Variants in ARHGEF10L observed in about 807,000 individuals in gnomAD.
The protein encoded by ARHGEF10L is Rho guanine nucleotide exchange factor 10 like, also known as rho guanine nucleotide exchange factor 10-like protein.
In ARHGEF10L, 69 loss-of-function variants were observed where a neutral mutation model predicts 141.2. That is an observed-to-expected ratio of 0.49 (90% CI 0.40 to 0.60). The LOEUF is 0.60. Ranked by LOEUF, ARHGEF10L falls within the 20% of genes least tolerant of loss-of-function variation. The probability of loss-of-function intolerance (pLI) is 0.00; values close to 1 mark genes in which losing one functional copy is unlikely to be tolerated. For synonymous variants in ARHGEF10L, 711 were observed against 718.5 expected, an observed-to-expected ratio of 0.99 and a Z score of 0.17; for missense variants, 1,482 against 1,734.3, an observed-to-expected ratio of 0.85 and a Z score of 2.58.
rs764594372 is a variant in ARHGEF10L, at chr1:17,632,464, C to G, written c.1728C>G (p.Phe576Leu). The G allele has an allele frequency of 1.4e-5, 23 of 1,614,140 alleles. No homozygotes were observed. The highest frequency in any genetic ancestry group is 1.9e-5 in the Non-Finnish European group (22 of 1,180,000). Residue 576 changes from phenylalanine (F) to leucine (L), a missense_variant and splice_region_variant, in exon 16 of 29, where the codon TTC becomes TTG. Phe to Leu is a conservative substitution (Grantham distance 22, BLOSUM62 0). Transcript: ENST00000361221. ...TGCTTGTCTGTGCCAACATCAACTTCAAGTAAGTGGGCCTGGGTTGGAGGG... is the reference window on the plus strand; with the variant it reads ...TGCTTGTCTGTGCCAACATCAACTTGAAGTAAGTGGGCCTGGGTTGGAGGG... ...NDMLVCANIN[F>L]KPANHRGQLE...
upstream of ARHGEF10L, among the ~76,000 whole-genome samples, chr1:17,537,854 C>CAAAAATAAA (rs2076598138): frequency 1.3e-5 from 1 of 79,844 alleles, no homozygotes; most frequent in Non-Finnish European, 2.4e-5. Context: ...ACCATCTCTA[C>CAAAAATAAA]AAAAAAAAAA....
Position 17,603,475 on chromosome 1 carries a change from C to G in ARHGEF10L, c.350-33C>G, listed in dbSNP as rs759510457. On this transcript the variant is annotated intron_variant, in intron 5 of 28. Transcript: ENST00000361221. The surrounding 1 kb of genome is among the most constrained non-coding windows in gnomAD (Gnocchi z 4.8). ...CCTCTGGCCAGGCTGCCACAGCCCA[C>G]GGTGGTGCTCTCTCTCCCCACTTCC... The G allele has an allele frequency of 4.4e-6, 7 of 1,587,012 alleles. No homozygotes were observed. In the Admixed American group the frequency reaches 1.2e-4, roughly 27 times the overall value.
At chr1:17,628,446 C>T (rs1282971913) in intron 15 of ARHGEF10L, among the ~76,000 whole-genome samples, 1 of 152,194 alleles carries the variant, frequency 6.6e-6, no homozygotes, top group Non-Finnish European at 1.5e-5. Context: ...AGTCCCTCTT[C>T]TTCCCTCTCA....
At chr1:17,533,492 A>G in the ARHGEF10L span, among the ~76,000 whole-genome samples, 1 of 152,142 alleles carries the variant, frequency 6.6e-6, no homozygotes, top group African/African-American at 2.4e-5. Flanking sequence ...TTGACACTAC[A>G]TTCCCCAGGA....
rs759940364 is a variant in ARHGEF10L at position 17,632,446 on chromosome 1, C to T, written c.1710C>T (p.Val570=). The T allele has an allele frequency of 3.1e-6, 5 of 1,613,978 alleles. No homozygotes were observed. Among genetic ancestry groups the T allele is most frequent in the Admixed American group, 3.3e-5 (2 of 60,010 alleles). ...TCTTCCTGCTCAACGACATGCTTGT[C>T]TGTGCCAACATCAACTTCAAGTAAG... The part of the protein sequence containing the change: ...RRVFLLNDML[V]CANINFKPAN... The change falls in exon 16 of 29, where the codon GTC becomes GTT. Residue 570 remains valine, a synonymous_variant. Transcript: ENST00000361221.
chr1:17,613,199 C>T, intron 8 of ARHGEF10L, 25 bp downstream of exon 8: 12 of 1,570,380 alleles, frequency 7.6e-6, no homozygotes, highest in Non-Finnish European at 9.6e-6. Flanking sequence ...TCCCCTCAAG[C>T]CCTGGATGGG....
rs2060914804 is a variant in ARHGEF10L at position 17,634,988 on chromosome 1, G to T, written c.1899G>T (p.Lys633Asn). 8 of 1,613,994 alleles carry T rather than the reference G, an allele frequency of 5.0e-6. 1 individual carries two copies. In the South Asian group the frequency reaches 6.6e-5, roughly 13 times the overall value. ...DNVLIQHSGA[K>N]KASASGQAQN... ...TGCTCATCCAGCACTCAGGCGCCAA[G>T]AAGGCCTCTGCCTCAGGGCAGGCTC... Residue 633 changes from lysine to asparagine, a missense_variant, in exon 18 of 29, where the codon AAG becomes AAT. Transcript: ENST00000361221.
In ARHGEF10L at chr1:17,612,611, A is replaced by G. The variant is rs2059606315; in HGVS notation, c.610-447A>G. 2.0e-5 allele frequency among the ~76,000 whole-genome samples: 3 copies of G among 151,890 alleles called. No homozygotes were observed. In the South Asian group the frequency reaches 6.2e-4, roughly 32 times the overall value. On this transcript the variant is annotated intron_variant, in intron 7 of 28. Coordinates refer to ENST00000361221, the MANE Select transcript of ARHGEF10L (RefSeq NM_018125.4). The stretch of plus-strand genomic sequence containing the variant: ...TACCCACTTATCCATTTATCCCCCA[A>G]CCTCATTCCATCTATCCATCCACCT...
chr1:17,640,368 G>T, intron 21 of ARHGEF10L, 66 bp downstream of exon 21: 1 of 1,427,744 alleles, frequency 7.0e-7, no homozygotes, highest in South Asian at 1.2e-5. Flanking sequence ...TTTGGGGTGA[G>T]TGAGGGTACA....
the ARHGEF10L span, among the ~76,000 whole-genome samples, chr1:17,514,296 C>T: frequency 1.3e-5 from 2 of 151,782 alleles, no homozygotes; most frequent in Non-Finnish European, 2.9e-5. Flanking sequence ...CCACCACGCC[C>T]AGCTAATTTT....
At chr1:17,532,488 G>A in the ARHGEF10L span, among the ~76,000 whole-genome samples, 9 of 152,280 alleles carry the variant, frequency 5.9e-5, no homozygotes, top group African/African-American at 1.9e-4. Context: ...GGCCTGTGGG[G>A]TTTGGCCTGC....
In ARHGEF10L at chr1:17,603,216, AG is replaced by A. The variant is rs2080856935; in HGVS notation, c.350-288del. Among the ~76,000 whole-genome samples, 1 of 149,600 alleles carries A rather than the reference AG, an allele frequency of 6.7e-6. No individual in the cohort carries two copies. Among genetic ancestry groups the A allele is most frequent in the South Asian group, 2.1e-4 (1 of 4,728 alleles). On this transcript the variant is annotated intron_variant, in intron 5 of 28. Transcript: ENST00000361221. This position sits in a 1 kb window ranked among gnomAD's most constrained non-coding sequence, Gnocchi z 4.8. The stretch of plus-strand genomic sequence containing the variant: ...TGCTGGACTGCGTCATGCTCCCTGC[AG>A]GGGCCGGGAGCAGCTGTCCATTAGC...
intron 20 of ARHGEF10L, 41 bp downstream of exon 20, chr1:17,638,730 C>T (rs2061160477): frequency 1.9e-6 from 3 of 1,610,598 alleles, no homozygotes; most frequent in Non-Finnish European, 2.5e-6. Context: ...GCTGCCTCTG[C>T]TGGGCTTCCA....
At chr1:17,645,600 G>T (rs949257448) in intron 21 of ARHGEF10L, among the ~76,000 whole-genome samples, 1 of 152,088 alleles carries the variant, frequency 6.6e-6, no homozygotes, top group East Asian at 1.9e-4. Context: ...TTCCTTGAGA[G>T]CAGGGACAAG....
At chr1:17,592,348 G>T (rs2100744529) in intron 4 of ARHGEF10L, among the ~76,000 whole-genome samples, 1 of 152,282 alleles carries the variant, frequency 6.6e-6, no homozygotes, top group Admixed American at 6.5e-5. Context: ...TGGTCGCAGG[G>T]ATTCTCATGG....
intron 15 of ARHGEF10L, among the ~76,000 whole-genome samples, chr1:17,631,414 T>C (rs1009812647): frequency 7.9e-5 from 12 of 152,318 alleles, no homozygotes; most frequent in African/African-American, 2.9e-4. Context: ...TGAAAGTCTT[T>C]GTCCTCAGAG....
Position 17,697,190 on chromosome 1 carries a change from C to T in ARHGEF10L, c.3650C>T (p.Pro1217Leu). The T allele has an allele frequency of 6.2e-7, 1 of 1,612,140 alleles. No homozygotes were observed. The highest frequency in any genetic ancestry group is 8.5e-7 in the Non-Finnish European group (1 of 1,179,504). ...TCCATTTACGAGATGGCCGACGACC[C>T]CGACATCTGGGTGCGCAGCCGGCCC... ...DGSIYEMADD[P>L]DIWVRSRPCA... The change falls in exon 29 of 29, where the codon CCC (proline) becomes CTC (leucine). Residue 1217 changes from proline (P) to leucine (L), a missense_variant. Transcript: ENST00000361221. This position sits in a 1 kb window ranked among gnomAD's most constrained non-coding sequence, Gnocchi z 4.8.
intron 27 of ARHGEF10L, among the ~76,000 whole-genome samples, chr1:17,690,714 G>A (rs547744983): frequency 6.6e-6 from 1 of 152,142 alleles, no homozygotes; most frequent in East Asian, 1.9e-4. Context: ...GGAGCCTGGG[G>A]CCCTGCCAGA....
At chr1:17,646,262 G>A (rs950674757) in intron 21 of ARHGEF10L, among the ~76,000 whole-genome samples, 1 of 152,188 alleles carries the variant, frequency 6.6e-6, no homozygotes, top group Non-Finnish European at 1.5e-5. Flanking sequence ...GGGCAGTGAC[G>A]GCATGAGGGC....
Sources: gnomAD v4.1 joint callset for allele counts (sites outside exome capture counted in the v4.1 genomes callset) on GRCh38, gnomAD v4.1.1 for gene constraint, Gnocchi (gnomAD v3.1) non-coding constraint, MANE v1.5 for transcripts, NCBI Gene and HGNC (gene_info 2026-07-23, HGNC 2026-07-21) for gene names.